Variants in TANGO6 observed in about 807,000 individuals in gnomAD.
The protein encoded by TANGO6 is transport and golgi organization 6 homolog, also known as transport and Golgi organization protein 6 homolog.
In TANGO6, 90 loss-of-function variants were observed where a neutral mutation model predicts 114.2. The observed-to-expected ratio is 0.79, with a 90% CI of 0.66 to 0.94. The LOEUF (loss-of-function observed/expected upper bound fraction) is 0.94. TANGO6 is among the 40% of genes least tolerant of loss of function. The pLI is 0.00. For synonymous variants in TANGO6, 477 were observed against 509.8 expected, an observed-to-expected ratio of 0.94 and a Z score of 0.87; for missense variants, 1,274 against 1,315.3, an observed-to-expected ratio of 0.97 and a Z score of 0.49.
rs778205396 is a variant in TANGO6 at position 68,859,905 on chromosome 16, A to G, written c.116A>G (p.Gln39Arg). 16 of 1,588,106 alleles carry G rather than the reference A, an allele frequency of 1.0e-5. No individual in the cohort carries two copies. Among genetic ancestry groups the G allele is most frequent in the Non-Finnish European group, 1.3e-5 (15 of 1,167,766 alleles). Residue 39 changes from glutamine to arginine, a missense_variant, in exon 2 of 18, where the codon CAG (glutamine) becomes CGG (arginine). Around this residue, in one of 5 missense-constraint regions of TANGO6, gnomAD observed 114 missense variants for 104.6 expected, o/e 1.09. Coordinates refer to ENST00000261778, the MANE Select transcript of TANGO6 (RefSeq NM_024562.2). Reference protein sequence around the residue: ...SPGGSGSSSLQVTKHDVLLAT... With the variant: ...SPGGSGSSSLRVTKHDVLLAT... ...AAAGGCTCGGGCTCAAGTTCACTAC[A>G]GGTCACAAAACATGATGTCTTGTTG...
chr16:68,878,034 TAAAG>T, intron 5 of TANGO6, 80 bp from the exon 6 acceptor site: 1 of 1,206,748 alleles, frequency 8.3e-7, no homozygotes, highest in South Asian at 1.8e-5. Context: ...TTTTTTGTCT[TAAAG>T]AAATTCATGC....
intron 17 of TANGO6, among the ~76,000 whole-genome samples, chr16:69,062,674 T>G (rs1477629794): frequency 6.7e-6 from 1 of 150,122 alleles, no homozygotes; most frequent in Non-Finnish European, 1.5e-5. Flanking sequence ...GGTTTCACCA[T>G]GTGGGCGAGG....
At chr16:68,944,636 C>T (rs779300397) in intron 14 of TANGO6, among the ~76,000 whole-genome samples, 22 of 152,140 alleles carry the variant, frequency 1.4e-4, no homozygotes, top group Non-Finnish European at 1.0e-4. Flanking sequence ...CTAGCTGACT[C>T]GTGGGAGAGA....
chr16:68,867,348 T>C (rs1400288871), intron 4 of TANGO6, 128 bp downstream of exon 4: 8 of 1,232,400 alleles, frequency 6.5e-6, no homozygotes, highest in East Asian at 4.7e-5. Context: ...CTTGCAGGGA[T>C]TGAACAGGTT....
intron 16 of TANGO6, among the ~76,000 whole-genome samples, chr16:69,023,967 G>A (rs193024615): frequency 4.6e-5 from 7 of 152,184 alleles, no homozygotes; most frequent in African/African-American, 1.4e-4. Flanking sequence ...GAGTGCAGTG[G>A]CGCAATCGTG....
chr16:69,047,681 T>C (rs994971507), intron 17 of TANGO6, among the ~76,000 whole-genome samples: 12 of 152,082 alleles, frequency 7.9e-5, no homozygotes, highest in Non-Finnish European at 1.3e-4. Context: ...AAATGAGTGA[T>C]TGGGGGTTGA....
intron 13 of TANGO6, 77 bp from the exon 14 acceptor site, chr16:68,930,161 G>C: frequency 7.8e-7 from 1 of 1,283,708 alleles, no homozygotes; most frequent in Non-Finnish European, 1.1e-6. Context: ...TTACTCCTTT[G>C]AGCTGCTGAT....
intron 14 of TANGO6, among the ~76,000 whole-genome samples, chr16:68,943,234 A>ATTTCTCTTTTTTTCTTTTTTTTC (rs1219221661): frequency 7.1e-6 from 1 of 140,382 alleles, no homozygotes; most frequent in Non-Finnish European, 1.6e-5. Flanking sequence ...TTTATTTTTT[A>ATTTCTCTTTTTTTCTTTTTTTTC]TTTCTCTTTT....
At chr16:68,984,453 T>C (rs1191586332) in intron 15 of TANGO6, among the ~76,000 whole-genome samples, 1 of 152,202 alleles carries the variant, frequency 6.6e-6, no homozygotes, top group Non-Finnish European at 1.5e-5. Flanking sequence ...CTATAACTTA[T>C]TACTGATATA....
At position 68,902,465 on chromosome 16, in the gene TANGO6, C is replaced by G; in HGVS notation, c.1628C>G (p.Thr543Ser). 1 of 1,613,188 alleles carries G rather than the reference C, an allele frequency of 6.2e-7. No individual in the cohort carries two copies. Among genetic ancestry groups the G allele is most frequent in the African/African-American group, 1.3e-5 (1 of 75,024 alleles). Residue 543 changes from threonine (T) to serine (S), a missense_variant, in exon 9 of 18, where the codon ACT (threonine) becomes AGT (serine). Thr to Ser is a moderately conservative substitution (Grantham distance 58, BLOSUM62 1). This residue lies in a region of TANGO6 where 908 missense variants were observed against 910.2 expected (regional missense o/e 1.00). Coordinates refer to ENST00000261778, the MANE Select transcript of TANGO6 (RefSeq NM_024562.2). ...TCTCTGTGTCAGTTTAGAGTTGCCA[C>G]TCAAGGTGGCATTATGATTACCATC... ...LHSLCQFRVA[T>S]QGGIMITIKE...
At chr16:68,987,315 T>A (rs1368205461) in intron 15 of TANGO6, among the ~76,000 whole-genome samples, 1 of 152,234 alleles carries the variant, frequency 6.6e-6, no homozygotes, top group Non-Finnish European at 1.5e-5. Flanking sequence ...GTGGAATTAC[T>A]GGGTCATAGG....
At chr16:68,963,197 C>T (rs12923827) in intron 14 of TANGO6, among the ~76,000 whole-genome samples, 1 of 151,692 alleles carries the variant, frequency 6.6e-6, no homozygotes, top group South Asian at 2.1e-4. Flanking sequence ...TCTCAGCTCA[C>T]TGCAACCTCC....
At chr16:69,078,465 T>C (rs755461771) in intron 17 of TANGO6, among the ~76,000 whole-genome samples, 5 of 152,324 alleles carry the variant, frequency 3.3e-5, no homozygotes, top group East Asian at 1.9e-4. Context: ...ATTAACTATT[T>C]CCCATCATTT....
chr16:68,954,098 A>C (rs1219050451), intron 14 of TANGO6, among the ~76,000 whole-genome samples: 1 of 151,654 alleles, frequency 6.6e-6, no homozygotes, highest in Non-Finnish European at 1.5e-5. Context: ...AAAAAAAGAA[A>C]AGTTAGCTGG....
At chr16:69,072,068 T>TGTGTGTGG (rs1555530579) in intron 17 of TANGO6, among the ~76,000 whole-genome samples, 4 of 100,540 alleles carry the variant, frequency 4.0e-5, no homozygotes, top group African/African-American at 4.3e-5. Flanking sequence ...TGTGTGTGTG[T>TGTGTGTGG]AGAGAGAGGG....
chr16:68,942,290 C>G (rs1003024115), intron 14 of TANGO6, among the ~76,000 whole-genome samples: 3 of 151,718 alleles, frequency 2.0e-5, no homozygotes, highest in Non-Finnish European at 4.4e-5. Context: ...CCACTGCACT[C>G]CAGCCTGGGC....
intron 15 of TANGO6, among the ~76,000 whole-genome samples, chr16:68,984,071 A>T (rs1207870674): frequency 2.0e-5 from 3 of 151,752 alleles, no homozygotes; most frequent in Non-Finnish European, 4.4e-5. Flanking sequence ...TAGCTTTTGT[A>T]TGATAGTTTT....
chr16:68,880,640 C>A lies in TANGO6; in HGVS notation c.1377+10C>A. 6.4e-7 allele frequency: 1 copy of A among 1,552,846 alleles called. No individual in the cohort carries two copies. Among genetic ancestry groups the A allele is most frequent in the South Asian group, 1.3e-5 (1 of 78,942 alleles). On this transcript the variant is annotated intron_variant, in intron 7 of 17. Transcript: ENST00000261778. The stretch of plus-strand genomic sequence containing the variant: ...TGAGGATGTGTTTAAGGTTGGTAAT[C>A]TGAGTCACTAATGTTTTTATTTACT...
chr16:68,976,728 A>G (rs1963768681), intron 15 of TANGO6, among the ~76,000 whole-genome samples: 1 of 152,178 alleles, frequency 6.6e-6, no homozygotes, highest in African/African-American at 2.4e-5. Context: ...TAGCGGCCAT[A>G]TTGAATTTTG....
Sources: allele counts gnomAD v4.1 joint callset (sites outside exome capture counted in the v4.1 genomes callset), GRCh38; gene constraint gnomAD v4.1.1; regional missense constraint gnomAD v4.1.1; transcripts MANE v1.5; gene names NCBI Gene and HGNC (gene_info 2026-07-23, HGNC 2026-07-21).